CTH: variants seen among roughly 807,000 people sequenced by gnomAD.
CTH encodes the protein cystathionine gamma-lyase.
Under a neutral mutation model 50.6 loss-of-function variants are expected in CTH, and 41 were observed. The ratio of observed to expected loss-of-function variants is 0.81; its 90% confidence interval spans 0.63 to 1.05. CTH has a LOEUF of 1.05. Ranked by LOEUF, CTH falls within the 50% of genes least tolerant of loss-of-function variation. The probability of loss-of-function intolerance (pLI) is 0.00; values close to 1 mark genes in which losing one functional copy is unlikely to be tolerated. For missense variants in CTH, 470 were observed against 492.6 expected, an observed-to-expected ratio of 0.95 and a Z score of 0.43; for synonymous variants, 156 against 168.9, an observed-to-expected ratio of 0.92 and a Z score of 0.59.
chr1:70,416,853 C>A (rs1214392316), intron 2 of CTH, among the ~76,000 whole-genome samples: 2 of 152,086 alleles, frequency 1.3e-5, no homozygotes, highest in Non-Finnish European at 2.9e-5. Flanking sequence ...TGGGCCACCA[C>A]GCCCAGCCTT....
intron 10 of CTH, among the ~76,000 whole-genome samples, chr1:70,437,653 G>A (rs1287607520): frequency 6.6e-6 from 1 of 152,112 alleles, no homozygotes; most frequent in Non-Finnish European, 1.5e-5. Context: ...GAGTCTCCCA[G>A]GGCAGAACAT....
chr1:70,413,132 G>A (rs1196712859), intron 1 of CTH, among the ~76,000 whole-genome samples: 1 of 152,110 alleles, frequency 6.6e-6, no homozygotes, highest in African/African-American at 2.4e-5. Flanking sequence ...ATAAGTTGAG[G>A]AAAATCCTTA....
chr1:70,424,388 A>G lies in CTH; in HGVS notation c.560A>G (p.Asp187Gly). The G allele has an allele frequency of 1.2e-6, 2 of 1,614,164 alleles. No individual in the cohort carries two copies. Among genetic ancestry groups the G allele is most frequent in the East Asian group, 2.2e-5 (1 of 44,870 alleles). Residue 187 changes from aspartate to glycine, a missense_variant, in exon 5 of 12, where the codon GAT (aspartate) becomes GGT (glycine). Physicochemically the swap from Asp to Gly is moderately conservative, Grantham distance 94. Transcript: ENST00000370938. ...HKHGDIILVV[D>G]NTFMSPYFQR... ...CATGGAGACATTATTTTGGTCGTGG[A>G]TAACACTTTTATGTCACCATATTTC...
intron 3 of CTH, among the ~76,000 whole-genome samples, chr1:70,418,281 A>T (rs577502181): frequency 1.1e-4 from 16 of 152,004 alleles, no homozygotes; most frequent in Admixed American, 3.3e-4. Context: ...ATAGGATCTC[A>T]CTCTGTCACC....
intron 5 of CTH, among the ~76,000 whole-genome samples, chr1:70,427,066 G>A (rs1340593109): frequency 2.0e-5 from 3 of 152,034 alleles, no homozygotes; most frequent in East Asian, 3.9e-4. Context: ...ACTCAGAATC[G>A]CATCATCCCT....
intron 5 of CTH, among the ~76,000 whole-genome samples, chr1:70,428,133 C>T (rs1684388231): frequency 6.6e-6 from 1 of 152,054 alleles, no homozygotes; most frequent in Non-Finnish European, 1.5e-5. Context: ...CAGGCACAGA[C>T]AGACATATAT....
intron 1 of CTH, 177 bp downstream of exon 1, chr1:70,411,760 G>C: frequency 1.1e-6 from 1 of 874,134 alleles, no homozygotes; most frequent in Non-Finnish European, 1.4e-6. Context: ...TCCAGTGATC[G>C]TATTTCTTTT....
At chr1:70,412,357 G>A (rs1683985805) in intron 1 of CTH, among the ~76,000 whole-genome samples, 1 of 152,260 alleles carries the variant, frequency 6.6e-6, no homozygotes, top group Non-Finnish European at 1.5e-5. Flanking sequence ...TGTAATCCCA[G>A]CACTTTGGGA....
chr1:70,425,041 G>A (rs909039575), intron 5 of CTH, among the ~76,000 whole-genome samples: 4 of 151,940 alleles, frequency 2.6e-5, no homozygotes, highest in Non-Finnish European at 5.9e-5. Flanking sequence ...GAATGTTTAT[G>A]CATTGATTAC....
At chr1:70,431,313 G>C (rs938050491) in intron 7 of CTH, 13 of 151,994 alleles carry the variant, frequency 8.6e-5, no homozygotes, top group Middle Eastern at 3.2e-3. Flanking sequence ...TTAGTTTCAA[G>C]ACTTAATGGT....
chr1:70,414,377 GGTGGCGTGCCT>G (rs1301275185), intron 1 of CTH, among the ~76,000 whole-genome samples: 4 of 151,888 alleles, frequency 2.6e-5, no homozygotes, highest in Non-Finnish European at 5.9e-5. Context: ...AGCTGTGTGT[GGTGGCGTGCCT>G]GTAGTCCCAG....
At chr1:70,412,158 C>T (rs1456932893) in intron 1 of CTH, among the ~76,000 whole-genome samples, 1 of 152,186 alleles carries the variant, frequency 6.6e-6, no homozygotes, top group Non-Finnish European at 1.5e-5. Flanking sequence ...TAGCCTTAGA[C>T]TAGTAAGTAT....
intron 5 of CTH, 64 bp downstream of exon 5, chr1:70,424,480 A>ATT (rs1684302322): frequency 6.2e-7 from 1 of 1,606,232 alleles, no homozygotes; most frequent in East Asian, 2.2e-5. Flanking sequence ...TTAGGAAAGA[A>ATT]AGGACTTGCT....
Position 70,439,178 on chromosome 1 carries a change from T to C in CTH, c.*51T>C. ...GCTTCCTGTGAAGATCAAATCTTCCTGAGTAATTAAATGGACCAACAATGA... is the reference window on the plus strand; with the variant it reads ...GCTTCCTGTGAAGATCAAATCTTCCCGAGTAATTAAATGGACCAACAATGA... On this transcript the variant is annotated 3_prime_UTR_variant, in exon 12 of 12. Transcript: ENST00000370938. 1 of 1,557,068 alleles carries C rather than the reference T, an allele frequency of 6.4e-7. No individual in the cohort carries two copies. Among genetic ancestry groups the C allele is most frequent in the Non-Finnish European group, 8.9e-7 (1 of 1,127,910 alleles).
chr1:70,434,626 G>T (rs1572271392), intron 9 of CTH, among the ~76,000 whole-genome samples: 1 of 151,578 alleles, frequency 6.6e-6, no homozygotes, highest in East Asian at 1.9e-4. Flanking sequence ...TTCCAGCAGG[G>T]ATTTAAAGGA....
intron 2 of CTH, among the ~76,000 whole-genome samples, chr1:70,417,339 C>T (rs2101731082): frequency 6.6e-6 from 1 of 151,946 alleles, no homozygotes; most frequent in Non-Finnish European, 1.5e-5. Context: ...AGCTGGAGTG[C>T]AGTGGTGCAA....
chr1:70,430,363 C>T lies in CTH; in HGVS notation c.693C>T (p.Ser231=). 1 of 1,599,326 alleles carries T rather than the reference C, an allele frequency of 6.3e-7. No homozygotes were observed. Among genetic ancestry groups the T allele is most frequent in the Non-Finnish European group, 8.6e-7 (1 of 1,166,834 alleles). ...GCCTGGTGTCTGTTAATTGTGAAAGCCTTCATAATAGACTTCGTTTCTTGC... is the reference window on the plus strand; with the variant it reads ...GCCTGGTGTCTGTTAATTGTGAAAGTCTTCATAATAGACTTCGTTTCTTGC... The part of the protein sequence containing the change: ...VMGLVSVNCE[S]LHNRLRFLQN... Residue 231 remains serine, a synonymous_variant, in exon 7 of 12, where the codon AGC becomes AGT. Transcript: ENST00000370938.
intron 10 of CTH, among the ~76,000 whole-genome samples, chr1:70,436,283 G>A (rs1052850012): frequency 8.6e-5 from 13 of 152,046 alleles, no homozygotes; most frequent in African/African-American, 2.9e-4. Context: ...AGCCAAGATC[G>A]CACCACTGCA....
intron 8 of CTH, among the ~76,000 whole-genome samples, 187 bp from the exon 9 acceptor site, chr1:70,433,641 G>A (rs1428947577): frequency 6.6e-6 from 1 of 152,078 alleles, no homozygotes; most frequent in Non-Finnish European, 1.5e-5. Flanking sequence ...GCTGAAGAGG[G>A]TAGAAAAGAT....
Sources: gnomAD v4.1 joint callset for allele counts (sites outside exome capture counted in the v4.1 genomes callset) on GRCh38, gnomAD v4.1.1 for gene constraint, MANE v1.5 for transcripts, NCBI Gene and HGNC (gene_info 2026-07-23, HGNC 2026-07-21) for gene names.